The following UGT1A6 variants were observed in gnomAD, a reference collection of about 807,000 sequenced individuals.
UGT1A6 encodes UDP-glucuronosyltransferase 1A6.
A neutral mutation model predicts 44.4 loss-of-function variants in UGT1A6; 32 were observed. The ratio of observed to expected loss-of-function variants is 0.72; its 90% CI spans 0.54 to 0.97. The LOEUF (loss-of-function observed/expected upper bound fraction) is 0.97. Ranked by LOEUF, UGT1A6 falls within the 50% of genes least tolerant of loss-of-function variation. The pLI, the probability that UGT1A6 is intolerant of heterozygous loss-of-function variation, is 0.00. For missense variants in UGT1A6, 685 were observed against 661.9 expected (o/e 1.03, Z -0.38); for synonymous variants, 238 against 248.5 (o/e 0.96, Z 0.40).
chr2:233,693,359 A>T lies in UGT1A6; in HGVS notation c.355A>T (p.Ile119Phe). Residue 119 changes from isoleucine to phenylalanine, a missense_variant, in exon 1 of 5, where the codon ATT (isoleucine) becomes TTT (phenylalanine). Transcript: ENST00000305139. ...QTEYRNNMIV[I>F]GLYFINCQSL... ...AGAGTACAGGAATAACATGATTGTTATTGGCCTGTACTTCATCAACTGCCA... is the reference window on the plus strand; with the variant it reads ...AGAGTACAGGAATAACATGATTGTTTTTGGCCTGTACTTCATCAACTGCCA... 6.2e-7 allele frequency: 1 copy of T among 1,614,208 alleles called. No homozygotes were observed. Among genetic ancestry groups the T allele is most frequent in the Non-Finnish European group, 8.5e-7 (1 of 1,180,040 alleles).
chr2:233,750,771 C>T (rs2125907104), intron 1 of UGT1A6: 1 of 151,994 alleles, frequency 6.6e-6, no homozygotes, highest in East Asian at 1.9e-4. Context: ...TGGTGTTGGG[C>T]CTGTGGGTAC....
rs1421333211 is a variant in UGT1A6, at chr2:233,745,618, A to T, written c.862-21416A>T. Among the ~76,000 whole-genome samples, 6 of 151,724 alleles carry T rather than the reference A, an allele frequency of 4.0e-5. No individual in the cohort carries two copies. The East Asian group carries it at 1.2e-3, about 29-fold the overall frequency. ...CTTGGCACTTGGTAAGCACACAATG[A>T]ACAGTCATAGAAAGCTGGCCGAGGG... On this transcript the variant is annotated intron_variant, in intron 1 of 4. Coordinates refer to ENST00000305139, the MANE Select transcript of UGT1A6 (RefSeq NM_001072.4).
rs538309349 is a variant in UGT1A6, at chr2:233,711,882, A to G, written c.861+18017A>G. Among the ~76,000 whole-genome samples the G allele has an allele frequency of 1.2e-3, 185 of 152,230 alleles. 1 individual carries two copies. The highest frequency in any genetic ancestry group is 2.4e-3 in the Non-Finnish European group (166 of 68,038). ...AGTATGAGTGACTTTCTGGAGCAGG[A>G]CGAGTCTCATGGGCGTGAGACCATT... On this transcript the variant is annotated intron_variant, in intron 1 of 4. Coordinates refer to ENST00000305139, the MANE Select transcript of UGT1A6 (RefSeq NM_001072.4).
intron 1 of UGT1A6, chr2:233,760,458 A>T (rs1336419159): frequency 6.2e-7 from 1 of 1,614,212 alleles, no homozygotes; most frequent in Non-Finnish European, 8.5e-7. Flanking sequence ...GACATGAAAT[A>T]GTTGTCCTAG....
intron 1 of UGT1A6, chr2:233,761,087 C>G (rs141950052): frequency 6.2e-7 from 1 of 1,614,018 alleles, no homozygotes; most frequent in Non-Finnish European, 8.5e-7. Flanking sequence ...TACCCTAGGC[C>G]CATCATGCCC....
rs762827824 is a variant in UGT1A6 at position 233,693,652 on chromosome 2, G to T, written c.648G>T (p.Leu216Phe). The T allele has an allele frequency of 8.1e-6, 13 of 1,614,184 alleles. No individual in the cohort carries two copies. Among genetic ancestry groups the T allele is most frequent in the African/African-American group, 1.3e-5 (1 of 75,032 alleles). ...SQRVANFLVN[L>F]LEPYLFYCLF... is the part of the protein sequence containing the mutation. ...GAGTGGCCAACTTCCTTGTTAATTT[G>T]TTGGAGCCCTATCTATTTTATTGTC... The change falls in exon 1 of 5, where the codon TTG becomes TTT. Residue 216 changes from leucine to phenylalanine, a missense_variant. Coordinates refer to ENST00000305139, the MANE Select transcript of UGT1A6 (RefSeq NM_001072.4).
intron 1 of UGT1A6, chr2:233,753,221 C>G (rs1559397626): frequency 6.6e-6 from 1 of 152,156 alleles, no homozygotes; most frequent in East Asian, 1.9e-4. Context: ...TATTTTGATA[C>G]TTCTTGTATA....
chr2:233,719,848 T>G (rs1575529888), intron 1 of UGT1A6, among the ~76,000 whole-genome samples: 1 of 152,206 alleles, frequency 6.6e-6, no homozygotes, highest in Non-Finnish European at 1.5e-5. Context: ...TATTTCAAGT[T>G]TTCAGTGGTC....
chr2:233,744,001 A>T, intron 1 of UGT1A6: 1 of 1,207,940 alleles, frequency 8.3e-7, no homozygotes, highest in Non-Finnish European at 1.1e-6. Context: ...GAGTGCTCGG[A>T]GACCTGGGCC....
chr2:233,755,319 C>T (rs776967353), intron 1 of UGT1A6: 53 of 507,946 alleles, frequency 1.0e-4, no homozygotes, highest in Non-Finnish European at 1.5e-4. Context: ...AGCGGCAAGG[C>T]TGCCAGCACC....
chr2:233,743,846 C>A (rs779214397), intron 1 of UGT1A6: 9 of 1,367,112 alleles, frequency 6.6e-6, no homozygotes, highest in Non-Finnish European at 8.8e-6. Flanking sequence ...CGCCAGCTTG[C>A]GGTACGCCTT....
At chr2:233,761,982 G>T (rs1310969194) in intron 1 of UGT1A6, among the ~76,000 whole-genome samples, 1 of 152,142 alleles carries the variant, frequency 6.6e-6, no homozygotes, top group Non-Finnish European at 1.5e-5. Context: ...ACCTTCGGAG[G>T]TGACCTTATT....
intron 1 of UGT1A6, among the ~76,000 whole-genome samples, chr2:233,704,256 C>CTTT (rs59925871): frequency 0.31 from 38,668 of 122,898 alleles, 6,586 homozygotes; most frequent in African/African-American, 0.43. Flanking sequence ...GCCTTTATTG[C>CTTT]TTTTTTTTTT....
intron 1 of UGT1A6, among the ~76,000 whole-genome samples, chr2:233,711,938 G>C (rs1180593494): frequency 1.3e-5 from 2 of 152,202 alleles, no homozygotes; most frequent in African/African-American, 4.8e-5. Context: ...CATTAGAAAG[G>C]CACACGTTTA....
intron 1 of UGT1A6, among the ~76,000 whole-genome samples, chr2:233,703,856 T>A (rs1016851767): frequency 2.6e-5 from 4 of 152,164 alleles, no homozygotes; most frequent in Non-Finnish European, 4.4e-5. Flanking sequence ...AATACTATTA[T>A]TGATGTAGAT....
At chr2:233,709,121 G>A (rs1349379070) in intron 1 of UGT1A6, among the ~76,000 whole-genome samples, 3 of 152,046 alleles carry the variant, frequency 2.0e-5, no homozygotes, top group Admixed American at 1.3e-4. Flanking sequence ...AACTAATCAT[G>A]GTGGCCAAGG....
chr2:233,720,226 G>A (rs989732732), intron 1 of UGT1A6, among the ~76,000 whole-genome samples: 1 of 152,194 alleles, frequency 6.6e-6, no homozygotes, highest in South Asian at 2.1e-4. Context: ...CATGTGATCA[G>A]AGAATGAAAC....
chr2:233,750,227 A>G (rs977533582), intron 1 of UGT1A6, among the ~76,000 whole-genome samples: 2 of 151,900 alleles, frequency 1.3e-5, no homozygotes, highest in African/African-American at 4.9e-5. Context: ...GAGATGAGGA[A>G]CTTATTGGGA....
intron 1 of UGT1A6, among the ~76,000 whole-genome samples, chr2:233,725,279 GGCAGAGGCAGAGGCA>G (rs1325326342): frequency 1.4e-4 from 6 of 44,284 alleles, no homozygotes; most frequent in East Asian, 3.0e-3. Context: ...CAGAGGCAGA[GGCAGAGGCAGAGGCA>G]GAGGCAGAGG....
Sources: gnomAD v4.1 joint callset for allele counts (sites outside exome capture counted in the v4.1 genomes callset) on GRCh38, gnomAD v4.1.1 for gene constraint, MANE v1.5 for transcripts, NCBI Gene and HGNC (gene_info 2026-07-23, HGNC 2026-07-21) for gene names.